Variants in AUTS2 observed in about 807,000 individuals in gnomAD.
AUTS2 encodes autism susceptibility gene 2 protein.
A neutral mutation model predicts 112.4 loss-of-function variants in AUTS2; 17 were observed. The observed-to-expected ratio is 0.15, with a 90% CI of 0.10 to 0.23. The LOEUF (loss-of-function observed/expected upper bound fraction) is 0.23. Among genes scored for constraint, AUTS2 ranks in the 10% least tolerant of loss-of-function variants. The probability of loss-of-function intolerance (pLI) is 1.00; values close to 1 mark genes in which losing one functional copy is unlikely to be tolerated. For synonymous variants in AUTS2, 751 were observed against 702.7 expected, an observed-to-expected ratio of 1.07 and a Z score of -1.09; for missense variants, 1,510 against 1,701.6, an observed-to-expected ratio of 0.89 and a Z score of 1.98.
chr7:69,867,507 C>A (rs1049673206), intron 1 of AUTS2, among the ~76,000 whole-genome samples: 1 of 152,102 alleles, frequency 6.6e-6, no homozygotes, highest in Non-Finnish European at 1.5e-5. Context: ...AAAATATGGT[C>A]GTGAATATTT....
chr7:70,609,574 T>G (rs1261057150), intron 5 of AUTS2, among the ~76,000 whole-genome samples: 2 of 142,564 alleles, frequency 1.4e-5, no homozygotes, highest in Non-Finnish European at 3.0e-5. Context: ...TTGTTTTTTT[T>G]GTTTTGTTTT....
At chr7:70,440,389 G>T (rs182311767) in intron 5 of AUTS2, among the ~76,000 whole-genome samples, 104 of 152,252 alleles carry the variant, frequency 6.8e-4, no homozygotes, top group African/African-American at 2.4e-3. Context: ...ACTCCAGCCT[G>T]AGTGACAGAG....
intron 5 of AUTS2, among the ~76,000 whole-genome samples, chr7:70,557,758 A>T (rs1344469458): frequency 7.9e-5 from 12 of 152,178 alleles, no homozygotes; most frequent in Non-Finnish European, 1.5e-4. Context: ...GGGAGCAGTC[A>T]GATCTGATGC....
rs546820569 is a variant in AUTS2, at chr7:70,528,439, C to T, written c.690+92658C>T. On this transcript the variant is annotated intron_variant, in intron 5 of 18. Transcript: ENST00000342771. ...GGTAAGAGCATGAAGTATGTAAATA[C>T]TCAAAGTGTTTATACTGCATTACTT... Among the ~76,000 whole-genome samples the T allele has an allele frequency of 2.0e-5, 3 of 152,202 alleles. No individual in the cohort carries two copies. The South Asian group carries it at 6.2e-4, about 32-fold the overall frequency.
chr7:70,621,165 G>A (rs1585391486), intron 5 of AUTS2, among the ~76,000 whole-genome samples: 1 of 152,232 alleles, frequency 6.6e-6, no homozygotes, highest in Non-Finnish European at 1.5e-5. Flanking sequence ...TGAATAGCAC[G>A]TGGAAGGGTT....
rs997611839 is a variant in AUTS2 at position 69,781,817 on chromosome 7, C to T, written c.310-117469C>T. On this transcript the variant is annotated intron_variant, in intron 1 of 18. Coordinates refer to ENST00000342771, the MANE Select transcript of AUTS2 (RefSeq NM_015570.4). Reference sequence around the variant, plus strand: ...TGCCTGTGGGCTGGGAATTGGCTGCCTTCATCTGGTCAGCCATATGTGGCT... The same window carrying T: ...TGCCTGTGGGCTGGGAATTGGCTGCTTTCATCTGGTCAGCCATATGTGGCT... Among the ~76,000 whole-genome samples, 39 of 152,300 alleles carry T rather than the reference C, an allele frequency of 2.6e-4. 1 individual carries two copies. The highest frequency in any genetic ancestry group is 8.9e-4 in the African/African-American group (37 of 41,556).
At chr7:70,619,020 T>C (rs532053692) in intron 5 of AUTS2, among the ~76,000 whole-genome samples, 1 of 152,284 alleles carries the variant, frequency 6.6e-6, no homozygotes, top group Admixed American at 6.5e-5. Flanking sequence ...CTAAGGATGA[T>C]ATTCTACTTG....
chr7:70,633,067 C>A (rs2129538643), intron 5 of AUTS2, among the ~76,000 whole-genome samples: 1 of 152,250 alleles, frequency 6.6e-6, no homozygotes, highest in African/African-American at 2.4e-5. Context: ...AGCATCCATG[C>A]CCCATGGGGT....
chr7:70,010,542 T>G (rs1472666216), intron 2 of AUTS2, among the ~76,000 whole-genome samples: 2 of 152,204 alleles, frequency 1.3e-5, no homozygotes, highest in Non-Finnish European at 2.9e-5. Context: ...TCCCCCTTGA[T>G]GACTGAGTGA....
chr7:70,303,116 G>A lies in AUTS2; in HGVS notation c.661-132636G>A, dbSNP rs142678754. Among the ~76,000 whole-genome samples the A allele has an allele frequency of 5.9e-3, 897 of 152,198 alleles. 6 individuals are homozygous for A. Among genetic ancestry groups the A allele is most frequent in the African/African-American group, 0.02 (837 of 41,518 alleles). On this transcript the variant is annotated intron_variant, in intron 4 of 18. Coordinates refer to ENST00000342771, the MANE Select transcript of AUTS2 (RefSeq NM_015570.4). ...TTCCTACCTCTCACTTGAGATCAAG[G>A]AAACCTACATAAGACTCCCAGAGCA...
chr7:70,086,488 A>T (rs73160148), intron 2 of AUTS2, among the ~76,000 whole-genome samples: 5,864 of 152,092 alleles, frequency 0.039, 155 homozygotes, highest in Middle Eastern at 0.082. Flanking sequence ...CTAAAATACA[A>T]AAATTAGCTG....
At chr7:70,674,870 AC>A (rs1807828777) in intron 5 of AUTS2, among the ~76,000 whole-genome samples, 1 of 152,240 alleles carries the variant, frequency 6.6e-6, no homozygotes, top group Non-Finnish European at 1.5e-5. Flanking sequence ...CTAATGAGGA[AC>A]AGAGCTAGAT....
chr7:70,652,036 C>T (rs1309619273), intron 5 of AUTS2, among the ~76,000 whole-genome samples: 1 of 152,188 alleles, frequency 6.6e-6, no homozygotes, highest in African/African-American at 2.4e-5. Flanking sequence ...CACGCCGTCA[C>T]GGTTGCACGT....
chr7:70,246,071 T>C (rs1185871855), intron 4 of AUTS2, among the ~76,000 whole-genome samples: 1 of 152,182 alleles, frequency 6.6e-6, no homozygotes, highest in Non-Finnish European at 1.5e-5. Flanking sequence ...TCTTATTCAG[T>C]TATAAGAGTG....
intron 4 of AUTS2, among the ~76,000 whole-genome samples, chr7:70,368,736 A>G (rs1277802799): frequency 6.6e-6 from 1 of 152,180 alleles, no homozygotes. Context: ...GAAGCACAGG[A>G]AATATTTGGT....
intron 4 of AUTS2, among the ~76,000 whole-genome samples, chr7:70,135,722 T>C (rs936535784): frequency 6.6e-6 from 1 of 152,152 alleles, no homozygotes; most frequent in African/African-American, 2.4e-5. Flanking sequence ...CTTAATACAG[T>C]TAGCACACTT....
At chr7:70,377,773 CTTTT>C (rs1200007177) in intron 4 of AUTS2, among the ~76,000 whole-genome samples, 9 of 137,496 alleles carry the variant, frequency 6.5e-5, no homozygotes, top group Admixed American at 7.3e-5. Flanking sequence ...ATAATGTCTT[CTTTT>C]TTTTTTTTTT....
chr7:69,871,441 C>G (rs912389567), intron 1 of AUTS2, among the ~76,000 whole-genome samples: 1 of 152,164 alleles, frequency 6.6e-6, no homozygotes, highest in Admixed American at 6.6e-5. Flanking sequence ...ACAGATAGTA[C>G]TGGCCCCTGT....
intron 5 of AUTS2, among the ~76,000 whole-genome samples, chr7:70,693,855 G>C (rs1808889356): frequency 6.6e-6 from 1 of 152,098 alleles, no homozygotes; most frequent in Non-Finnish European, 1.5e-5. Context: ...GAAGGCAGCC[G>C]GGGGGAGCCG....
Sources: gnomAD v4.1 joint callset for allele counts (sites outside exome capture counted in the v4.1 genomes callset) on GRCh38, gnomAD v4.1.1 for gene constraint, MANE v1.5 for transcripts, NCBI Gene and HGNC (gene_info 2026-07-23, HGNC 2026-07-21) for gene names.